Variants in UNC13B observed in about 807,000 individuals in gnomAD.
UNC13B encodes the protein unc-13 homolog B.
A neutral mutation model predicts 211.0 loss-of-function variants in UNC13B; 144 were observed. The observed-to-expected ratio is 0.68, with a 90% CI of 0.60 to 0.78. The LOEUF (loss-of-function observed/expected upper bound fraction) is 0.78, where lower values mean the gene tolerates loss of function less well. UNC13B is among the 30% of genes least tolerant of loss of function. UNC13B has a pLI of 0.00. For missense variants in UNC13B, 1,777 were observed against 2,002.0 expected (o/e 0.89, Z 2.14); for synonymous variants, 709 against 725.8 (o/e 0.98, Z 0.37).
At chr9:35,394,367 G>A (rs534703225) in intron 26 of UNC13B, among the ~76,000 whole-genome samples, 348 of 152,242 alleles carry the variant, frequency 2.3e-3, no homozygotes, top group African/African-American at 7.9e-3. Flanking sequence ...GGCCTGAGGC[G>A]GGTGGATCAC....
chr9:35,347,507 T>C (rs922703309), intron 11 of UNC13B, among the ~76,000 whole-genome samples: 2 of 152,182 alleles, frequency 1.3e-5, no homozygotes, highest in African/African-American at 2.4e-5. Flanking sequence ...TCTACTGAGC[T>C]CAGCACAGTG....
chr9:35,193,413 C>T (rs1315081744), intron 1 of UNC13B, among the ~76,000 whole-genome samples: 2 of 152,040 alleles, frequency 1.3e-5, no homozygotes, highest in Middle Eastern at 3.2e-3. Context: ...CTTTGGTAGG[C>T]CGAGACAGGT....
chr9:35,374,953 G>T (rs1834300223), intron 13 of UNC13B, among the ~76,000 whole-genome samples, 174 bp from the exon 14 acceptor site: 1 of 152,342 alleles, frequency 6.6e-6, no homozygotes, highest in East Asian at 1.9e-4. Context: ...CTTGGGTTTT[G>T]CATCTTAACC....
intron 1 of UNC13B, among the ~76,000 whole-genome samples, chr9:35,213,348 A>C (rs1450344440): frequency 6.7e-6 from 1 of 149,432 alleles, no homozygotes; most frequent in African/African-American, 2.4e-5. Context: ...GTATCAGGAC[A>C]CAGTGAGAGC....
intron 26 of UNC13B, among the ~76,000 whole-genome samples, chr9:35,396,035 C>G (rs1335470965): frequency 6.6e-6 from 1 of 152,186 alleles, no homozygotes; most frequent in Non-Finnish European, 1.5e-5. Flanking sequence ...GCCATGTACA[C>G]CTGCTCATCT....
At chr9:35,283,469 C>T in intron 7 of UNC13B, among the ~76,000 whole-genome samples, 1 of 152,094 alleles carries the variant, frequency 6.6e-6, no homozygotes, top group Non-Finnish European at 1.5e-5. Flanking sequence ...GCCTCACTGG[C>T]CCACTCAACA....
intron 7 of UNC13B, among the ~76,000 whole-genome samples, chr9:35,260,044 A>AC (rs1254031673): frequency 6.8e-6 from 1 of 146,910 alleles, no homozygotes; most frequent in Non-Finnish European, 1.5e-5. Flanking sequence ...TCTACAAAAA[A>AC]AAAAAAAAAA....
chr9:35,217,376 C>CTTGT (rs775082595), intron 1 of UNC13B, among the ~76,000 whole-genome samples: 1 of 150,588 alleles, frequency 6.6e-6, no homozygotes, highest in Non-Finnish European at 1.5e-5. Context: ...ACTATCATTT[C>CTTGT]TTGTTTGTTT....
intron 11 of UNC13B, among the ~76,000 whole-genome samples, chr9:35,336,831 G>A (rs1249197066): frequency 6.6e-6 from 1 of 152,140 alleles, no homozygotes; most frequent in Non-Finnish European, 1.5e-5. Context: ...CCCATTACAG[G>A]TACCAAAGTA....
Position 35,365,730 on chromosome 9 carries a change from C to T in UNC13B, c.9415-1217C>T, listed in dbSNP as rs895291523. 9.2e-5 allele frequency among the ~76,000 whole-genome samples: 14 copies of T among 152,234 alleles called. 1 individual carries two copies. In the South Asian group the frequency reaches 2.3e-3, roughly 25 times the overall value. ...CTTTTGCTTCAGCCACTTCTGGCTGCCTTTTGGACCTGGCCCTCCCATTAC... is the reference window on the plus strand; with the variant it reads ...CTTTTGCTTCAGCCACTTCTGGCTGTCTTTTGGACCTGGCCCTCCCATTAC... On this transcript the variant is annotated intron_variant, in intron 11 of 39. Transcript: ENST00000635942.
intron 10 of UNC13B, among the ~76,000 whole-genome samples, chr9:35,312,103 C>A (rs180879224): frequency 2.9e-4 from 44 of 152,284 alleles, no homozygotes; most frequent in African/African-American, 1.0e-3. Context: ...TGTCTCCTGA[C>A]AGATTTCCCC....
intron 11 of UNC13B, among the ~76,000 whole-genome samples, chr9:35,347,861 C>T (rs1325358797): frequency 6.6e-6 from 1 of 152,082 alleles, no homozygotes; most frequent in East Asian, 1.9e-4. Flanking sequence ...GCCATTTGCC[C>T]CCTGTGTGGC....
At chr9:35,348,201 G>T (rs1379128763) in intron 11 of UNC13B, among the ~76,000 whole-genome samples, 1 of 152,236 alleles carries the variant, frequency 6.6e-6, no homozygotes, top group East Asian at 1.9e-4. Context: ...TAGCAGGGGA[G>T]TCAGCTTCAT....
rs992788058 is a variant in UNC13B, at chr9:35,302,178, A to G, written c.2774A>G (p.His925Arg). ...AAAAATTGCCATGAAGATACCAAAC[A>G]TAGTTCAATAAAATCTAGTTCTGTT... ...SKKNCHEDTK[H>R]SSIKSSSVPN... Residue 925 changes from histidine (H) to arginine (R), a missense_variant, in exon 9 of 40, where the codon CAT becomes CGT. Transcript: ENST00000635942. 1 of 398,812 alleles carries G rather than the reference A, an allele frequency of 2.5e-6. No homozygotes were observed. Among genetic ancestry groups the G allele is most frequent in the Non-Finnish European group, 4.4e-6 (1 of 225,828 alleles). The allele number at this position is 398,812 out of a possible 1,614,324, so 24.7% of individuals were successfully genotyped here.
At position 35,399,674 on chromosome 9, in the gene UNC13B, G is replaced by A. The variant is rs757053832; in HGVS notation, c.12281G>A (p.Arg4094Gln). 45 of 1,613,984 alleles carry A rather than the reference G, an allele frequency of 2.8e-5. No individual in the cohort carries two copies. In the Middle Eastern group the frequency reaches 6.6e-4, roughly 24 times the overall value. Reference protein sequence around the residue: ...LKDHMVREETRNLTPKQCAVL... With the variant: ...LKDHMVREETQNLTPKQCAVL... ...GATCACATGGTACGAGAGGAAACACGGAATCTCACTCCAAAGCAGTGTGCA... is the reference window on the plus strand; with the variant it reads ...GATCACATGGTACGAGAGGAAACACAGAATCTCACTCCAAAGCAGTGTGCA... The change falls in exon 36 of 40, where the codon CGG (arginine) becomes CAG (glutamine). Residue 4094 changes from arginine (R) to glutamine (Q), a missense_variant. Physicochemically the swap from Arg to Gln is conservative, Grantham distance 43. Coordinates refer to ENST00000635942, the MANE Select transcript of UNC13B (RefSeq NM_001371189.2).
At position 35,307,099 on chromosome 9, in the gene UNC13B, T is replaced by C. The variant is rs1156350903; in HGVS notation, c.7695T>C (p.Ser2565=). The change falls in exon 9 of 40, where the codon AGT becomes AGC. Residue 2565 remains serine, a synonymous_variant. Coordinates refer to ENST00000635942, the MANE Select transcript of UNC13B (RefSeq NM_001371189.2). Reference sequence around the variant, plus strand: ...CACTAAGTTCAGAATCTACTCTCAGTGACTGTAGAATGACTGTGGTTAGTG... The same window carrying C: ...CACTAAGTTCAGAATCTACTCTCAGCGACTGTAGAATGACTGTGGTTAGTG... The part of the protein sequence containing the change: ...FTALSSESTL[S]DCRMTVVSAK... 3 of 398,898 alleles carry C rather than the reference T, an allele frequency of 7.5e-6. No individual in the cohort carries two copies. Among genetic ancestry groups the C allele is most frequent in the Admixed American group, 8.8e-5 (2 of 22,710 alleles). The allele number at this position is 398,898 out of a possible 1,614,324, so 24.7% of individuals were successfully genotyped here. A position where few individuals can be genotyped will look rare whatever the true frequency, so the allele number is the denominator to read the frequency against.
At chr9:35,353,505 G>A (rs773810966) in intron 11 of UNC13B, 2 of 1,231,980 alleles carry the variant, frequency 1.6e-6, no homozygotes, top group African/African-American at 3.1e-5. Context: ...GTCTCTGGTG[G>A]AGTTGGCGTC....
intron 1 of UNC13B, among the ~76,000 whole-genome samples, chr9:35,191,225 T>C (rs1436461710): frequency 6.6e-6 from 1 of 152,184 alleles, no homozygotes; most frequent in Admixed American, 6.5e-5. Context: ...GTGCAGGGAT[T>C]ACAAGCGTGA....
At chr9:35,324,594 G>T (rs750605143) in intron 11 of UNC13B, among the ~76,000 whole-genome samples, 1 of 152,078 alleles carries the variant, frequency 6.6e-6, no homozygotes, top group Non-Finnish European at 1.5e-5. Context: ...ATAACTTAGT[G>T]GTTGCTTTTC....
Sources: gnomAD v4.1 joint callset for allele counts (sites outside exome capture counted in the v4.1 genomes callset) on GRCh38, gnomAD v4.1.1 for gene constraint, MANE v1.5 for transcripts, NCBI Gene and HGNC (gene_info 2026-07-23, HGNC 2026-07-21) for gene names.